The following FLNB variants were observed in gnomAD, a reference collection of about 807,000 sequenced individuals.
FLNB encodes the protein filamin B, also known as filamin-B.
FLNB carries 111 observed loss-of-function variants against 250.6 expected under a neutral mutation model. The observed-to-expected ratio is 0.44, with a 90% CI of 0.38 to 0.52. The LOEUF (loss-of-function observed/expected upper bound fraction) is 0.52. Among genes scored for constraint, FLNB ranks in the 20% least tolerant of loss-of-function variants. The probability of loss-of-function intolerance (pLI) is 0.00; values close to 1 mark genes in which losing one functional copy is unlikely to be tolerated. For missense variants in FLNB, 2,869 were observed against 3,447.8 expected (o/e 0.83, Z 4.20); for synonymous variants, 1,302 against 1,372.1 (o/e 0.95, Z 1.13).
chr3:58,149,423 TC>T (rs1420699293), intron 36 of FLNB: 1 of 276,484 alleles, frequency 3.6e-6, no homozygotes, highest in Non-Finnish European at 7.0e-6. Context: ...TGGGAGATAC[TC>T]CCTGTTAAAC....
At chr3:58,022,014 C>T (rs550705016) in intron 1 of FLNB, among the ~76,000 whole-genome samples, 2 of 152,252 alleles carry the variant, frequency 1.3e-5, no homozygotes, top group East Asian at 3.9e-4. Context: ...CTCAAGCGAT[C>T]TGCCTGCCTC....
At chr3:58,059,765 C>G (rs893189118) in intron 1 of FLNB, among the ~76,000 whole-genome samples, 1 of 152,216 alleles carries the variant, frequency 6.6e-6, no homozygotes, top group Non-Finnish European at 1.5e-5. Context: ...CAGGGGCACA[C>G]TGATAAATCT....
At chr3:58,100,373 A>AAAAAAAATATATATATAT in intron 8 of FLNB, among the ~76,000 whole-genome samples, 4 of 104,346 alleles carry the variant, frequency 3.8e-5, no homozygotes, top group East Asian at 3.4e-4. Flanking sequence ...GTAAAAAAAA[A>AAAAAAAATATATATATAT]ATATATATAT....
At chr3:58,110,963 A>C (rs1281582871) in intron 16 of FLNB, among the ~76,000 whole-genome samples, 1 of 152,216 alleles carries the variant, frequency 6.6e-6, no homozygotes, top group Non-Finnish European at 1.5e-5. Flanking sequence ...AGGAAAAAAA[A>C]TTTACCCAGA....
intron 1 of FLNB, among the ~76,000 whole-genome samples, chr3:58,065,900 C>G (rs1452389498): frequency 6.6e-6 from 1 of 152,152 alleles, no homozygotes; most frequent in Non-Finnish European, 1.5e-5. Context: ...AAATGTTTGC[C>G]GAGCAGTTGT....
At chr3:58,127,398 G>C (rs2097299779) in intron 24 of FLNB, among the ~76,000 whole-genome samples, 1 of 151,806 alleles carries the variant, frequency 6.6e-6, no homozygotes, top group African/African-American at 2.4e-5. Flanking sequence ...CATGTGTCTT[G>C]GTTTCTTTTT....
intron 2 of FLNB, chr3:58,078,422 C>A: frequency 6.5e-7 from 1 of 1,535,096 alleles, no homozygotes. Flanking sequence ...AGGCACCAGG[C>A]TTTTTCCAAG....
rs1337816498 is a variant in FLNB, at chr3:58,148,568, A to G, written c.5888-81A>G. ...TGTTGGGTGTCAGGAAAGAGGACAT[A>G]TTTCTATTTCTGAGAGTGTGTCTCT... is the stretch of plus-strand genomic sequence containing the variant. On this transcript the variant is annotated intron_variant, in intron 35 of 45. Coordinates refer to ENST00000295956, the MANE Select transcript of FLNB (RefSeq NM_001457.4). 19 of 1,332,194 alleles carry G rather than the reference A, an allele frequency of 1.4e-5. No homozygotes were observed. The Admixed American group carries it at 1.6e-4, about 11-fold the overall frequency. The allele number at this position is 1,332,194 out of a possible 1,614,324, so 82.5% of individuals were successfully genotyped here.
intron 1 of FLNB, among the ~76,000 whole-genome samples, chr3:58,072,448 C>T (rs1009439393): frequency 6.6e-6 from 1 of 152,160 alleles, no homozygotes; most frequent in African/African-American, 2.4e-5. Flanking sequence ...GTTTTACCCT[C>T]GGCGTAAACA....
At position 58,141,884 on chromosome 3, in the gene FLNB, G is replaced by A; in HGVS notation, c.5136G>A (p.Val1712=). ...VMATDGEVTA[V]EEAPVNACPP... is the part of the protein sequence containing the mutation. ...CCACAGATGGGGAAGTCACAGCCGT[G>A]GAGGAGGCACCGGTAAATGCATGTC... Residue 1712 remains valine (V), a synonymous_variant, in exon 30 of 46, where the codon GTG becomes GTA. Transcript: ENST00000295956. The A allele has an allele frequency of 6.2e-7, 1 of 1,614,176 alleles. No homozygotes were observed.
At chr3:58,029,918 C>T (rs2097128542) in intron 1 of FLNB, among the ~76,000 whole-genome samples, 2 of 152,166 alleles carry the variant, frequency 1.3e-5, no homozygotes, top group Non-Finnish European at 2.9e-5. Context: ...CATCTATAAA[C>T]TGGGAATAAT....
At chr3:58,016,539 A>C (rs1011809907) in intron 1 of FLNB, among the ~76,000 whole-genome samples, 1 of 151,064 alleles carries the variant, frequency 6.6e-6, no homozygotes, top group African/African-American at 2.4e-5. Context: ...GTCAATTTGT[A>C]TATTAAATAT....
chr3:58,109,675 G>GCAAA lies in FLNB; in HGVS notation c.2299_2300insCAAA (p.Val767AlafsTer6). On this transcript the variant is annotated frameshift_variant, in exon 15 of 46. Transcript: ENST00000295956. LOFTEE classifies it high-confidence loss of function. Reference sequence around the variant, plus strand: ...GGCAAATGAACCTACACACTTCACGGTGGACTGTACTGAGGCTGGGGAAGG... The same window carrying GCAAA: ...GGCAAATGAACCTACACACTTCACGGCAAATGGACTGTACTGAGGCTGGGGAAGG... The GCAAA allele has an allele frequency of 6.2e-7, 1 of 1,614,160 alleles. No homozygotes were observed. The highest frequency in any genetic ancestry group is 1.6e-4 in the Middle Eastern group (1 of 6,062).
intron 1 of FLNB, among the ~76,000 whole-genome samples, chr3:58,018,979 A>T (rs2106702883): frequency 6.6e-6 from 1 of 151,384 alleles, no homozygotes; most frequent in Admixed American, 6.6e-5. Flanking sequence ...AAAAAAAAAA[A>T]AAAAAATTAT....
chr3:58,125,591 A>G lies in FLNB; in HGVS notation c.3909A>G (p.Val1303=), dbSNP rs1314427703. ...TGTTGTTTTGAGCAGGTCTCCATGT[A>G]GTGGAGGTGACATATGATGACGTGC... The part of the protein sequence containing the change: ...EYTPFEKGLH[V]VEVTYDDVPI... Residue 1303 remains valine (V), a synonymous_variant, in exon 23 of 46, where the codon GTA becomes GTG. Coordinates refer to ENST00000295956, the MANE Select transcript of FLNB (RefSeq NM_001457.4). The G allele has an allele frequency of 1.2e-6, 2 of 1,614,058 alleles. No homozygotes were observed. The highest frequency in any genetic ancestry group is 1.7e-6 in the Non-Finnish European group (2 of 1,180,014).
At chr3:58,034,326 T>C (rs1213798261) in intron 1 of FLNB, among the ~76,000 whole-genome samples, 1 of 152,234 alleles carries the variant, frequency 6.6e-6, no homozygotes, top group Non-Finnish European at 1.5e-5. Flanking sequence ...TTGTTTTACA[T>C]TTCCACGAGC....
intron 1 of FLNB, among the ~76,000 whole-genome samples, chr3:58,059,751 A>G (rs1188098219): frequency 6.6e-6 from 1 of 152,190 alleles, no homozygotes; most frequent in African/African-American, 2.4e-5. Flanking sequence ...CACGGGCCAG[A>G]GTTCAGGGGC....
chr3:58,034,019 C>T (rs2097134534), intron 1 of FLNB, among the ~76,000 whole-genome samples: 1 of 151,948 alleles, frequency 6.6e-6, no homozygotes, highest in Admixed American at 6.6e-5. Flanking sequence ...TGCCACCACA[C>T]CTGGCTAATT....
intron 1 of FLNB, among the ~76,000 whole-genome samples, chr3:58,014,131 T>G (rs1432539128): frequency 6.6e-6 from 1 of 152,214 alleles, no homozygotes; most frequent in Non-Finnish European, 1.5e-5. Flanking sequence ...GCCTGTTAAT[T>G]AAATAAGGCA....
Sources: allele counts gnomAD v4.1 joint callset (sites outside exome capture counted in the v4.1 genomes callset), GRCh38; gene constraint gnomAD v4.1.1; transcripts MANE v1.5; gene names NCBI Gene and HGNC (gene_info 2026-07-23, HGNC 2026-07-21).